The following TRIM32 variants were observed in gnomAD, a reference collection of about 807,000 sequenced individuals.
The protein encoded by TRIM32 is tripartite motif containing 32.
TRIM32 carries 19 observed loss-of-function variants against 36.0 expected under a neutral mutation model. That is an observed-to-expected ratio of 0.53 (90% CI 0.37 to 0.77). TRIM32 has a LOEUF of 0.77. Ranked by LOEUF, TRIM32 falls within the 30% of genes least tolerant of loss-of-function variation. The pLI, the probability that TRIM32 is intolerant of heterozygous loss-of-function variation, is 0.00. For synonymous variants in TRIM32, 309 were observed against 318.5 expected (o/e 0.97, Z 0.32); for missense variants, 747 against 845.2 (o/e 0.88, Z 1.44).
Position 116,698,708 on chromosome 9 carries a change from TAG to T in TRIM32, c.972_973del (p.Glu324AspfsTer13). ...CTGCTGCCTCTACCTCTGTTACTTT[TAG>T]AGAGATGGACATGAGCCCGGAGGAA... ...ASAASTSVTF[R>X]EMDMSPEEVV... On this transcript the variant is annotated frameshift_variant, in exon 2 of 2. Transcript: ENST00000450136. LOFTEE classifies it high-confidence loss of function. This position sits in a 1 kb window ranked among gnomAD's most constrained non-coding sequence, Gnocchi z 4.4. 1 of 1,614,188 alleles carries T rather than the reference TAG, an allele frequency of 6.2e-7. No homozygotes were observed. Among genetic ancestry groups the T allele is most frequent in the East Asian group, 2.2e-5 (1 of 44,860 alleles).
chr9:116,696,910 T>G (rs968303961), intron 1 of TRIM32, among the ~76,000 whole-genome samples: 1 of 148,064 alleles, frequency 6.8e-6, no homozygotes, highest in African/African-American at 2.5e-5. Context: ...GGATGATTCC[T>G]AGGCCCCCAA....
At chr9:116,688,405 A>G (rs1193209694) in intron 1 of TRIM32, among the ~76,000 whole-genome samples, 1 of 152,024 alleles carries the variant, frequency 6.6e-6, no homozygotes, top group Non-Finnish European at 1.5e-5. Context: ...CATGGGAGAC[A>G]GAGGGAGTTC....
At position 116,699,074 on chromosome 9, in the gene TRIM32, G is replaced by A. The variant is rs780303807; in HGVS notation, c.1332G>A (p.Val444=). The A allele has an allele frequency of 6.2e-7, 1 of 1,614,114 alleles. No individual in the cohort carries two copies. Among genetic ancestry groups the A allele is most frequent in the Non-Finnish European group, 8.5e-7 (1 of 1,179,970 alleles). ...TGAACTGCCAGGGGCTGATTGGTGT[G>A]ACTGACAGCTATGATAACTCCCTCA... ...VAMNCQGLIG[V]TDSYDNSLKV... The change falls in exon 2 of 2, where the codon GTG becomes GTA. Residue 444 remains valine, a synonymous_variant. Coordinates refer to ENST00000450136, the MANE Select transcript of TRIM32 (RefSeq NM_012210.4). This position sits in a 1 kb window ranked among gnomAD's most constrained non-coding sequence, Gnocchi z 4.2.
chr9:116,697,568 G>A, intron 1 of TRIM32, 94 bp from the exon 2 acceptor site: 1 of 797,108 alleles, frequency 1.3e-6, no homozygotes, highest in South Asian at 1.7e-5. Flanking sequence ...GGGAATGACT[G>A]AATGACTGGT....
rs1182257457 is a variant in TRIM32, at chr9:116,698,938, C to T, written c.1196C>T (p.Thr399Ile). Residue 399 changes from threonine (T) to isoleucine (I), a missense_variant, in exon 2 of 2, where the codon ACC becomes ATC. Coordinates refer to ENST00000450136, the MANE Select transcript of TRIM32 (RefSeq NM_012210.4). This position sits in a 1 kb window ranked among gnomAD's most constrained non-coding sequence, Gnocchi z 4.4. ...DRGNYRIQVF[T>I]RKGFLKEIRR... is the part of the protein sequence containing the mutation. ...GGTAACTATCGTATACAAGTCTTTA[C>T]CCGCAAAGGCTTTTTGAAGGAAATC... 4.3e-6 allele frequency: 7 copies of T among 1,614,064 alleles called. No individual in the cohort carries two copies. Among genetic ancestry groups the T allele is most frequent in the Non-Finnish European group, 5.9e-6 (7 of 1,180,044 alleles).
intron 1 of TRIM32, among the ~76,000 whole-genome samples, chr9:116,694,129 T>C (rs1860712440): frequency 6.6e-6 from 1 of 152,094 alleles, no homozygotes; most frequent in African/African-American, 2.4e-5. Flanking sequence ...CTGAGATAAT[T>C]TGGGGATGTG....
intron 1 of TRIM32, among the ~76,000 whole-genome samples, chr9:116,689,661 A>G (rs1860462920): frequency 6.6e-6 from 1 of 152,068 alleles, no homozygotes; most frequent in African/African-American, 2.4e-5. Flanking sequence ...TTCCCCTCTA[A>G]TGAAAAAGAG....
chr9:116,691,613 G>A (rs1271938115), intron 1 of TRIM32, among the ~76,000 whole-genome samples: 2 of 152,170 alleles, frequency 1.3e-5, no homozygotes, highest in African/African-American at 4.8e-5. Flanking sequence ...AACTTCAGGA[G>A]CATGCCTGTG....
chr9:116,700,975 A>G lies in TRIM32; in HGVS notation c.*1271A>G, dbSNP rs945047715. The G allele has an allele frequency of 6.6e-5, 11 of 167,228 alleles. No individual in the cohort carries two copies. The highest frequency in any genetic ancestry group is 2.6e-4 in the African/African-American group (11 of 41,586). The allele number at this position is 167,228 out of a possible 1,614,324, so 10.4% of individuals were successfully genotyped here. A position where few individuals can be genotyped will look rare whatever the true frequency, so the allele number is the denominator to read the frequency against. ...TCATCCCCCAAGGTTTAGAGTCACC[A>G]ATACCCTATTCTGAGCTTCTGCTGT... On this transcript the variant is annotated 3_prime_UTR_variant, in exon 2 of 2. Transcript: ENST00000450136.
At chr9:116,689,511 C>A (rs1860456733) in intron 1 of TRIM32, among the ~76,000 whole-genome samples, 1 of 152,070 alleles carries the variant, frequency 6.6e-6, no homozygotes, top group African/African-American at 2.4e-5. Flanking sequence ...GAAACTAAGG[C>A]TTAGGAAGTG....
chr9:116,691,179 C>A (rs963884393), intron 1 of TRIM32, among the ~76,000 whole-genome samples: 8 of 152,162 alleles, frequency 5.3e-5, no homozygotes, highest in African/African-American at 1.9e-4. Flanking sequence ...CTAGTCTCCC[C>A]AAAATTCTCA....
intron 1 of TRIM32, among the ~76,000 whole-genome samples, chr9:116,690,747 C>CT (rs1249537266): frequency 2.0e-5 from 3 of 152,134 alleles, no homozygotes; most frequent in Non-Finnish European, 4.4e-5. Context: ...GGACAGGCTA[C>CT]TTTCTCTGAG....
intron 1 of TRIM32, among the ~76,000 whole-genome samples, chr9:116,694,909 G>T (rs1157240277): frequency 6.6e-6 from 1 of 152,058 alleles, no homozygotes; most frequent in Non-Finnish European, 1.5e-5. Context: ...TTTTGCTGAG[G>T]TATGGATTTG....
rs774914398 is a variant in TRIM32, at chr9:116,698,163, G to C, written c.421G>C (p.Ala141Pro). ...CCACTGTACACTCCCTGTCAAAGAA[G>C]CAGCTGAGGAGCGGCGTCGGGACTT... The part of the protein sequence containing the change: ...PGHCTLPVKE[A>P]AEERRRDFGE... The change falls in exon 2 of 2, where the codon GCA becomes CCA. Residue 141 changes from alanine to proline, a missense_variant. Coordinates refer to ENST00000450136, the MANE Select transcript of TRIM32 (RefSeq NM_012210.4). The surrounding 1 kb of genome is among the most constrained non-coding windows in gnomAD (Gnocchi z 4.4). The C allele has an allele frequency of 1.9e-6, 3 of 1,614,054 alleles. No individual in the cohort carries two copies. The highest frequency in any genetic ancestry group is 1.7e-6 in the Non-Finnish European group (2 of 1,180,052).
In TRIM32 at chr9:116,699,339, T is replaced by C; in HGVS notation, c.1597T>C (p.Leu533=). The C allele has an allele frequency of 6.2e-7, 1 of 1,614,184 alleles. No homozygotes were observed. Among genetic ancestry groups the C allele is most frequent in the Non-Finnish European group, 8.5e-7 (1 of 1,180,030 alleles). The change falls in exon 2 of 2, where the codon TTA becomes CTA. Residue 533 remains leucine (L), a synonymous_variant. Transcript: ENST00000450136. The surrounding 1 kb of genome is among the most constrained non-coding windows in gnomAD (Gnocchi z 4.2). ...GGGCACCGTCTACTTCACCCAGGGC[T>C]TAGGCCTCAATCTGGAGAATCGGCA... is the stretch of plus-strand genomic sequence containing the variant. ...AEGTVYFTQG[L]GLNLENRQNE...
At chr9:116,693,200 T>C (rs1324526799) in intron 1 of TRIM32, among the ~76,000 whole-genome samples, 2 of 152,308 alleles carry the variant, frequency 1.3e-5, no homozygotes, top group Admixed American at 1.3e-4. Context: ...CTAAGTACTT[T>C]ATATGCATTT....
chr9:116,698,535 C>T lies in TRIM32; in HGVS notation c.793C>T (p.Leu265Phe). The change falls in exon 2 of 2, where the codon CTC (leucine) becomes TTC (phenylalanine). Residue 265 changes from leucine (L) to phenylalanine (F), a missense_variant. Transcript: ENST00000450136. This position sits in a 1 kb window ranked among gnomAD's most constrained non-coding sequence, Gnocchi z 4.4. ...GACAGCTGATGAGGAGGAGCCAGAG[C>T]TCACTGCCAGCTTGCCTCGGGAGCT... ...EETADEEEPE[L>F]TASLPRELTL... The T allele has an allele frequency of 6.2e-7, 1 of 1,613,844 alleles. No individual in the cohort carries two copies. The highest frequency in any genetic ancestry group is 8.5e-7 in the Non-Finnish European group (1 of 1,180,024).
Position 116,699,119 on chromosome 9 carries a change from C to A in TRIM32, c.1377C>A (p.Gly459=), listed in dbSNP as rs1343872931. The A allele has an allele frequency of 6.2e-7, 1 of 1,614,054 alleles. No homozygotes were observed. Among genetic ancestry groups the A allele is most frequent in the Admixed American group, 1.7e-5 (1 of 59,976 alleles). The change falls in exon 2 of 2, where the codon GGC becomes GGA. Residue 459 remains glycine, a synonymous_variant. Coordinates refer to ENST00000450136, the MANE Select transcript of TRIM32 (RefSeq NM_012210.4). The surrounding 1 kb of genome is among the most constrained non-coding windows in gnomAD (Gnocchi z 4.2). Reference sequence around the variant, plus strand: ...CCCTCAAGGTATATACCTTGGATGGCCACTGCGTGGCCTGTCACAGGAGCC... The same window carrying A: ...CCCTCAAGGTATATACCTTGGATGGACACTGCGTGGCCTGTCACAGGAGCC... The part of the protein sequence containing the change: ...DNSLKVYTLD[G]HCVACHRSQL...
chr9:116,688,681 G>A (rs1304886282), intron 1 of TRIM32, among the ~76,000 whole-genome samples: 1 of 152,158 alleles, frequency 6.6e-6, no homozygotes, highest in Non-Finnish European at 1.5e-5. Context: ...AAGAAGAAGT[G>A]GAACTATTCA....
Sources: gnomAD v4.1 joint callset for allele counts (sites outside exome capture counted in the v4.1 genomes callset) on GRCh38, gnomAD v4.1.1 for gene constraint, Gnocchi (gnomAD v3.1) non-coding constraint, MANE v1.5 for transcripts, NCBI Gene and HGNC (gene_info 2026-07-23, HGNC 2026-07-21) for gene names.